Variants in GPM6A observed in about 807,000 individuals in gnomAD.
The protein encoded by GPM6A is neuronal membrane glycoprotein M6-a.
In GPM6A, 7 loss-of-function variants were observed where a neutral mutation model predicts 32.1. The ratio of observed to expected loss-of-function variants is 0.22; its 90% CI spans 0.12 to 0.41. The LOEUF is 0.41. Among genes scored for constraint, GPM6A ranks in the 10% least tolerant of loss-of-function variants. The pLI is 1.00. For synonymous variants in GPM6A, 130 were observed against 123.4 expected (o/e 1.05, Z -0.35); for missense variants, 235 against 347.2 (o/e 0.68, Z 2.57).
chr4:175,831,779 T>C (rs1242245779), intron 1 of GPM6A, among the ~76,000 whole-genome samples: 1 of 136,428 alleles, frequency 7.3e-6, no homozygotes, highest in Non-Finnish European at 1.5e-5. Flanking sequence ...GAGTGCGCTA[T>C]CTTAGCTCTT....
chr4:175,800,377 A>G (rs1032937720), intron 1 of GPM6A, among the ~76,000 whole-genome samples: 1 of 152,194 alleles, frequency 6.6e-6, no homozygotes, highest in Non-Finnish European at 1.5e-5. Context: ...TAATATCAAT[A>G]TCATTTTAAT....
At chr4:175,890,240 G>A (rs1737598542) in intron 1 of GPM6A, among the ~76,000 whole-genome samples, 1 of 152,160 alleles carries the variant, frequency 6.6e-6, no homozygotes, top group Non-Finnish European at 1.5e-5. Flanking sequence ...AGACCAACTT[G>A]ACAATATTTA....
Position 175,634,894 on chromosome 4 carries a change from G to A in GPM6A, c.*11C>T. 6.2e-7 allele frequency: 1 copy of A among 1,610,046 alleles called. No individual in the cohort carries two copies. On this transcript the variant is annotated 3_prime_UTR_variant, in exon 7 of 7. Coordinates refer to ENST00000393658, the MANE Select transcript of GPM6A (RefSeq NM_201591.3). ...ATGCATTCAAATGGTAGAAAGAACA[G>A]GAAGATGCATTTATGTGTATGCATT...
At chr4:175,996,833 A>G (rs1391148909) in intron 1 of GPM6A, among the ~76,000 whole-genome samples, 1 of 152,208 alleles carries the variant, frequency 6.6e-6, no homozygotes, top group Non-Finnish European at 1.5e-5. Context: ...TAGATCAATT[A>G]GTCGGCTACC....
At chr4:175,674,317 ACAGG>A (rs1423842534) in intron 2 of GPM6A, among the ~76,000 whole-genome samples, 6 of 152,160 alleles carry the variant, frequency 3.9e-5, no homozygotes, top group Non-Finnish European at 8.8e-5. Context: ...AGCTCGGATT[ACAGG>A]CATGTGTCAC....
chr4:175,968,622 T>C (rs1006098509), intron 1 of GPM6A, among the ~76,000 whole-genome samples: 1 of 152,180 alleles, frequency 6.6e-6, no homozygotes. Flanking sequence ...ACAATAAATC[T>C]GACCTAACAT....
At chr4:175,891,653 T>C (rs773294151) in intron 1 of GPM6A, 9 of 152,316 alleles carry the variant, frequency 5.9e-5, no homozygotes, top group Admixed American at 1.3e-4. Flanking sequence ...CAGAAAAAAG[T>C]CATTCTAATT....
chr4:175,967,805 T>C (rs1282620488), intron 1 of GPM6A, among the ~76,000 whole-genome samples: 2 of 152,176 alleles, frequency 1.3e-5, no homozygotes, highest in Non-Finnish European at 2.9e-5. Flanking sequence ...TGTACATGGA[T>C]AGAAAGAGTC....
chr4:175,687,690 C>T (rs1451941787), intron 2 of GPM6A, among the ~76,000 whole-genome samples: 3 of 151,952 alleles, frequency 2.0e-5, no homozygotes, highest in African/African-American at 7.3e-5. Flanking sequence ...TATTAATACC[C>T]GGAAATGGGA....
At position 175,909,729 on chromosome 4, in the gene GPM6A, C is replaced by A. The variant is rs185978775; in HGVS notation, c.-23+92580G>T. Among the ~76,000 whole-genome samples, 13 of 152,172 alleles carry A rather than the reference C, an allele frequency of 8.5e-5. No individual in the cohort carries two copies. The East Asian group carries it at 2.3e-3, about 27-fold the overall frequency. Reference sequence around the variant, plus strand: ...AAAAGATTCAAGAAAAAGGTACAGTCCATTGTGAATCACAAAAGTTGGTAG... The same window carrying A: ...AAAAGATTCAAGAAAAAGGTACAGTACATTGTGAATCACAAAAGTTGGTAG... On this transcript the variant is annotated intron_variant, in intron 1 of 7. Transcript: ENST00000280187.
intron 3 of GPM6A, among the ~76,000 whole-genome samples, chr4:175,671,953 T>C (rs1743098662): frequency 6.9e-6 from 1 of 145,210 alleles, no homozygotes; most frequent in African/African-American, 2.5e-5. Flanking sequence ...GTCTGTTGGG[T>C]GGGACTGGTG....
At chr4:175,769,740 T>C (rs1003295718) in intron 1 of GPM6A, among the ~76,000 whole-genome samples, 1 of 152,220 alleles carries the variant, frequency 6.6e-6, no homozygotes, top group African/African-American at 2.4e-5. Flanking sequence ...TCACAGTAAA[T>C]GCTAAACTTG....
intron 1 of GPM6A, among the ~76,000 whole-genome samples, chr4:175,978,235 G>C (rs1179118650): frequency 2.0e-5 from 3 of 152,158 alleles, no homozygotes; most frequent in Non-Finnish European, 4.4e-5. Flanking sequence ...AGGGAAGCAG[G>C]CACCTTCTTC....
intron 2 of GPM6A, among the ~76,000 whole-genome samples, chr4:175,674,503 T>C (rs1181303226): frequency 6.6e-6 from 1 of 152,212 alleles, no homozygotes; most frequent in African/African-American, 2.4e-5. Context: ...GTAATTATCA[T>C]ATGATTTCTC....
At chr4:175,892,322 T>C (rs536060886) in intron 1 of GPM6A, among the ~76,000 whole-genome samples, 21 of 152,176 alleles carry the variant, frequency 1.4e-4, no homozygotes, top group Non-Finnish European at 2.8e-4. Context: ...CTGCTACTTA[T>C]TGTTCCCTAT....
chr4:175,857,930 T>C (rs115969045), intron 1 of GPM6A, among the ~76,000 whole-genome samples: 1,725 of 152,080 alleles, frequency 0.011, 33 homozygotes, highest in African/African-American at 0.04. Context: ...TTAGAAATAA[T>C]TAGAAATTGA....
intron 1 of GPM6A, among the ~76,000 whole-genome samples, chr4:175,937,279 A>G (rs1197549852): frequency 6.6e-6 from 1 of 152,156 alleles, no homozygotes; most frequent in East Asian, 1.9e-4. Context: ...ATAGTAAATT[A>G]AAAGGAATCA....
At chr4:175,966,426 T>C (rs77276501) in intron 1 of GPM6A, among the ~76,000 whole-genome samples, 1,517 of 148,672 alleles carry the variant, frequency 0.01, 11 homozygotes, top group South Asian at 0.032. Context: ...AATAATATAA[T>C]ATATATATAT....
At chr4:175,851,984 G>A (rs1405221123) in intron 1 of GPM6A, among the ~76,000 whole-genome samples, 1 of 152,136 alleles carries the variant, frequency 6.6e-6, no homozygotes, top group African/African-American at 2.4e-5. Context: ...GCCCCAGGAA[G>A]TGACTGGATA....
Sources: allele counts gnomAD v4.1 joint callset (sites outside exome capture counted in the v4.1 genomes callset), GRCh38; gene constraint gnomAD v4.1.1; transcripts MANE v1.5; gene names NCBI Gene and HGNC (gene_info 2026-07-23, HGNC 2026-07-21).